Variants in ELMO1 observed in about 807,000 individuals in gnomAD.
The protein encoded by ELMO1 is engulfment and cell motility 1.
ELMO1 carries 26 observed loss-of-function variants against 98.9 expected under a neutral mutation model. The ratio of observed to expected loss-of-function variants is 0.26; its 90% CI spans 0.19 to 0.36. ELMO1 has a LOEUF of 0.36. Among genes scored for constraint, ELMO1 ranks in the 10% least tolerant of loss-of-function variants. The probability of loss-of-function intolerance (pLI) is 1.00; values close to 1 mark genes in which losing one functional copy is unlikely to be tolerated. For missense variants in ELMO1, 627 were observed against 935.2 expected (o/e 0.67, Z 4.30); for synonymous variants, 346 against 346.0 (o/e 1.00, Z 0.00).
chr7:37,005,692 CAAAAAAAAAA>C (rs71553094), intron 16 of ELMO1, among the ~76,000 whole-genome samples: 13 of 37,498 alleles, frequency 3.5e-4, no homozygotes, highest in Non-Finnish European at 6.4e-4. Flanking sequence ...GACTCTGTCT[CAAAAAAAAAA>C]AAAAAAAAAA....
chr7:37,123,919 C>G (rs1423640646), intron 14 of ELMO1, among the ~76,000 whole-genome samples: 2 of 152,176 alleles, frequency 1.3e-5, no homozygotes, highest in African/African-American at 4.8e-5. Flanking sequence ...TCCAGCAGCA[C>G]ATCAAAAAAC....
intron 16 of ELMO1, among the ~76,000 whole-genome samples, chr7:36,910,870 C>T (rs977331165): frequency 6.6e-6 from 1 of 152,180 alleles, no homozygotes; most frequent in Non-Finnish European, 1.5e-5. Context: ...CCTACTGCTC[C>T]TGTGTAACCT....
intron 4 of ELMO1, among the ~76,000 whole-genome samples, chr7:37,313,055 T>C (rs1246984251): frequency 6.6e-6 from 1 of 152,154 alleles, no homozygotes; most frequent in East Asian, 1.9e-4. Context: ...TCACAAAGAA[T>C]AGCATGCAAA....
At chr7:37,250,748 C>T (rs1032695514) in intron 6 of ELMO1, among the ~76,000 whole-genome samples, 3 of 147,136 alleles carry the variant, frequency 2.0e-5, no homozygotes, top group South Asian at 2.2e-4. Flanking sequence ...GCCAAGATTG[C>T]GCCATTGCAC....
At chr7:37,007,194 T>A (rs978350028) in intron 16 of ELMO1, among the ~76,000 whole-genome samples, 7 of 152,136 alleles carry the variant, frequency 4.6e-5, no homozygotes, top group East Asian at 1.9e-4. Context: ...TGAAAAAAAA[T>A]GCTTGTTAAT....
chr7:36,894,816 G>A (rs1415163938), intron 17 of ELMO1, 38 bp downstream of exon 17: 1 of 1,613,132 alleles, frequency 6.2e-7, no homozygotes, highest in Non-Finnish European at 8.5e-7. Context: ...GTGGGTTAGA[G>A]TCTTTTGGGA....
intron 1 of ELMO1, among the ~76,000 whole-genome samples, chr7:37,363,565 T>C (rs992455642): frequency 6.6e-6 from 1 of 152,132 alleles, no homozygotes; most frequent in Admixed American, 6.5e-5. Flanking sequence ...CTCTCTCAGT[T>C]GCCCAAACAT....
chr7:37,373,608 C>CA (rs59651126), intron 1 of ELMO1, among the ~76,000 whole-genome samples: 4,680 of 133,576 alleles, frequency 0.035, 81 homozygotes, highest in Non-Finnish European at 0.043. Flanking sequence ...GACTCCATCT[C>CA]AAAAAAAAAA....
At chr7:36,916,651 A>G (rs2392475) in intron 16 of ELMO1, among the ~76,000 whole-genome samples, 10,299 of 152,294 alleles carry the variant, frequency 0.068, 420 homozygotes, top group South Asian at 0.15. Flanking sequence ...CAAGAAGGCA[A>G]CACTTGTGTG....
chr7:37,364,673 A>G (rs1396868205), intron 1 of ELMO1, among the ~76,000 whole-genome samples: 3 of 151,452 alleles, frequency 2.0e-5, no homozygotes, highest in African/African-American at 7.3e-5. Flanking sequence ...TCATTTCACC[A>G]TTTTAAAATT....
At chr7:37,256,829 G>C (rs1795691122) in intron 6 of ELMO1, among the ~76,000 whole-genome samples, 1 of 150,840 alleles carries the variant, frequency 6.6e-6, no homozygotes, top group Admixed American at 6.6e-5. Flanking sequence ...AGAAGGGGAG[G>C]GGCCCAGAAA....
chr7:37,212,038 T>C (rs1793003847), intron 12 of ELMO1, among the ~76,000 whole-genome samples: 1 of 152,230 alleles, frequency 6.6e-6, no homozygotes, highest in South Asian at 2.1e-4. Flanking sequence ...AATGGGATAC[T>C]ATCCAGGCTT....
chr7:36,863,347 C>G (rs1414908741), intron 20 of ELMO1, among the ~76,000 whole-genome samples: 2 of 152,126 alleles, frequency 1.3e-5, no homozygotes, highest in African/African-American at 2.4e-5. Flanking sequence ...TTAAGTATAG[C>G]ATCTGTTCCC....
intron 13 of ELMO1, among the ~76,000 whole-genome samples, chr7:37,204,767 G>C (rs1255092147): frequency 6.6e-6 from 1 of 152,210 alleles, no homozygotes; most frequent in Non-Finnish European, 1.5e-5. Flanking sequence ...ACAGAGCACT[G>C]ATTGGTGCAT....
At chr7:37,095,478 G>A (rs1338763248) in intron 15 of ELMO1, among the ~76,000 whole-genome samples, 2 of 152,186 alleles carry the variant, frequency 1.3e-5, no homozygotes, top group African/African-American at 4.8e-5. Flanking sequence ...CAGAGTAGGT[G>A]AATGCAGAGA....
At chr7:37,143,531 T>A (rs1787776642) in intron 13 of ELMO1, among the ~76,000 whole-genome samples, 1 of 148,574 alleles carries the variant, frequency 6.7e-6, no homozygotes. Flanking sequence ...CTCAGCCTCC[T>A]GAGTAGCTGG....
At chr7:37,242,277 A>G (rs959604344) in intron 7 of ELMO1, among the ~76,000 whole-genome samples, 2 of 152,108 alleles carry the variant, frequency 1.3e-5, no homozygotes, top group African/African-American at 2.4e-5. Context: ...GTGCTTTTCA[A>G]TTTTATAACT....
chr7:37,187,920 G>A (rs1359999722), intron 13 of ELMO1, among the ~76,000 whole-genome samples: 1 of 152,030 alleles, frequency 6.6e-6, no homozygotes, highest in East Asian at 1.9e-4. Context: ...TTCTATCCCA[G>A]CCCAAACTGG....
chr7:36,855,587 CT>C lies in ELMO1; in HGVS notation c.2147del (p.Glu716GlyfsTer29). The C allele has an allele frequency of 6.2e-7, 1 of 1,614,118 alleles. No homozygotes were observed. Among genetic ancestry groups the C allele is most frequent in the Non-Finnish European group, 8.5e-7 (1 of 1,180,000 alleles). The stretch of plus-strand genomic sequence containing the variant: ...CATAGACGAAGTCATAGTTGCTGGG[CT>C]CCTTGGGAATCGGCGGAGGTGCGTC... ...IPDAPPPIPK[E>X]PSNYDFVYDC... On this transcript the variant is annotated frameshift_variant, in exon 22 of 22. Coordinates refer to ENST00000310758, the MANE Select transcript of ELMO1 (RefSeq NM_014800.11). LOFTEE classifies it high-confidence loss of function. The surrounding 1 kb of genome is among the most constrained non-coding windows in gnomAD (Gnocchi z 4.2).
Sources: allele counts gnomAD v4.1 joint callset (sites outside exome capture counted in the v4.1 genomes callset), GRCh38; gene constraint gnomAD v4.1.1; non-coding constraint Gnocchi (gnomAD v3.1); transcripts MANE v1.5; gene names NCBI Gene and HGNC (gene_info 2026-07-23, HGNC 2026-07-21).